The following C7 variants were observed in gnomAD, a reference collection of about 807,000 sequenced individuals.
C7 encodes the protein complement C7.
In C7, 83 loss-of-function variants were observed where a neutral mutation model predicts 104.8. That is an observed-to-expected ratio of 0.79 (90% CI 0.66 to 0.95). The LOEUF is 0.95. C7 is among the 40% of genes least tolerant of loss of function. The pLI, the probability that C7 is intolerant of heterozygous loss-of-function variation, is 0.00. For missense variants in C7, 1,070 were observed against 1,011.2 expected, an observed-to-expected ratio of 1.06 and a Z score of -0.79; for synonymous variants, 415 against 360.6, an observed-to-expected ratio of 1.15 and a Z score of -1.71.
In C7 at chr5:40,931,138, A is replaced by G. The variant is rs1404513872; in HGVS notation, c.137A>G (p.Gln46Arg). 3.1e-6 allele frequency: 5 copies of G among 1,610,544 alleles called. No individual in the cohort carries two copies. The highest frequency in any genetic ancestry group is 4.2e-6 in the Non-Finnish European group (5 of 1,176,986). Residue 46 changes from glutamine to arginine, a missense_variant and splice_region_variant, in exon 3 of 18, where the codon CAG becomes CGG. Coordinates refer to ENST00000313164, the MANE Select transcript of C7 (RefSeq NM_000587.4). ...WSECNGCTKT[Q>R]TRRRSVAVYG... ...GAATGCAATGGCTGTACCAAGACTCAGGTAGGACCATGCAAAACTTTGTAT... is the reference window on the plus strand; with the variant it reads ...GAATGCAATGGCTGTACCAAGACTCGGGTAGGACCATGCAAAACTTTGTAT...
In C7 at chr5:40,972,530, ATT is replaced by A. The variant is rs1298814535; in HGVS notation, c.2012_2013del (p.Phe671SerfsTer7). 4 of 1,613,492 alleles carry A rather than the reference ATT, an allele frequency of 2.5e-6. No homozygotes were observed. Among genetic ancestry groups the A allele is most frequent in the Non-Finnish European group, 3.4e-6 (4 of 1,179,640 alleles). ...GCATGTCCTTAGAAGGTCCTTCAGC[ATT>A]TCTCTGTGGCTCCAGCCTTAAGTGG... is the stretch of plus-strand genomic sequence containing the variant. ...GGMSLEGPSA[F>X]LCGSSLKWSP... On this transcript the variant is annotated frameshift_variant, in exon 15 of 18. Transcript: ENST00000313164. LOFTEE classifies it high-confidence loss of function.
At chr5:40,937,423 G>T in intron 5 of C7, 129 bp from the exon 6 acceptor site, 3 of 818,550 alleles carry the variant, frequency 3.7e-6, no homozygotes, top group Non-Finnish European at 3.7e-6. Flanking sequence ...CTCTCTCAAA[G>T]AAGTGTTTAA....
rs774987776 is a variant in C7, at chr5:40,981,554, G to T, written c.2513G>T (p.Cys838Phe). 2.5e-6 allele frequency: 4 copies of T among 1,610,830 alleles called. No individual in the cohort carries two copies. In the East Asian group the frequency reaches 6.7e-5, roughly 27 times the overall value. Residue 838 changes from cysteine to phenylalanine, a missense_variant, in exon 18 of 18, where the codon TGT becomes TTT. By Grantham distance (205) the Cys-to-Phe change is radical. Transcript: ENST00000313164. ...QSISVTSIRP[C>F]AAETQ The stretch of plus-strand genomic sequence containing the variant: ...ATCTCTGTCACCAGCATAAGGCCTT[G>T]TGCTGCGGAAACCCAGTAGGCTCCT...
chr5:40,947,451 A>G (rs1376610485), intron 7 of C7, 151 bp from the exon 8 acceptor site: 2 of 796,030 alleles, frequency 2.5e-6, no homozygotes, highest in Non-Finnish European at 4.1e-6. Flanking sequence ...AAGTGGGCCC[A>G]TAAGAGTGCT....
Position 40,983,493 on chromosome 5 carries a change from G to A in C7, c.*1920G>A, listed in dbSNP as rs1418730351. Among the ~76,000 whole-genome samples, 1 of 152,126 alleles carries A rather than the reference G, an allele frequency of 6.6e-6. No homozygotes were observed. Among genetic ancestry groups the A allele is most frequent in the Non-Finnish European group, 1.5e-5 (1 of 68,024 alleles). ...GCAGAGTTATTGAAGGAGAAGTCAAGGAGAGGAGAAGGAGAGGAGCAGTGA... is the reference window on the plus strand; with the variant it reads ...GCAGAGTTATTGAAGGAGAAGTCAAAGAGAGGAGAAGGAGAGGAGCAGTGA... On this transcript the variant is annotated 3_prime_UTR_variant, in exon 18 of 18. Transcript: ENST00000313164.
Position 40,981,728 on chromosome 5 carries a change from T to C in C7, c.*155T>C. 1 of 580,924 alleles carries C rather than the reference T, an allele frequency of 1.7e-6. No individual in the cohort carries two copies. The highest frequency in any genetic ancestry group is 2.9e-6 in the Non-Finnish European group (1 of 341,286). The allele number at this position is 580,924 out of a possible 1,614,324, so 36.0% of individuals were successfully genotyped here. ...AGCCATCTGTATAAACACAATCCTT[T>C]GTTCTCCCAAATCTGAATCGAATTA... On this transcript the variant is annotated 3_prime_UTR_variant, in exon 18 of 18. Coordinates refer to ENST00000313164, the MANE Select transcript of C7 (RefSeq NM_000587.4).
At chr5:40,952,926 A>G (rs1259191808) in intron 9 of C7, among the ~76,000 whole-genome samples, 4 of 152,058 alleles carry the variant, frequency 2.6e-5, no homozygotes, top group African/African-American at 9.7e-5. Context: ...TAAGGCAGTG[A>G]TTCTCAAACT....
intron 1 of C7, among the ~76,000 whole-genome samples, chr5:40,924,338 G>T (rs1242444280): frequency 2.0e-5 from 3 of 152,190 alleles, no homozygotes; most frequent in South Asian, 2.1e-4. Context: ...TGAGGGGTGA[G>T]CTCCACTCCA....
intron 16 of C7, among the ~76,000 whole-genome samples, chr5:40,979,002 C>A (rs1740879705): frequency 1.3e-5 from 2 of 149,542 alleles, no homozygotes; most frequent in Non-Finnish European, 1.5e-5. Flanking sequence ...GCTTCAGCCT[C>A]CTGAGTAGCT....
intron 9 of C7, among the ~76,000 whole-genome samples, chr5:40,953,877 TAAATAAA>T (rs1345915348): frequency 6.6e-6 from 1 of 152,298 alleles, no homozygotes; most frequent in African/African-American, 2.4e-5. Context: ...TTATTGTGTA[TAAATAAA>T]AAATAAAAAA....
At chr5:40,963,122 A>G (rs1740457356) in intron 13 of C7, among the ~76,000 whole-genome samples, 1 of 152,208 alleles carries the variant, frequency 6.6e-6, no homozygotes, top group African/African-American at 2.4e-5. Context: ...GCATGTTAGC[A>G]AACCATGAGG....
intron 13 of C7, among the ~76,000 whole-genome samples, chr5:40,963,998 T>G (rs978937861): frequency 1.3e-5 from 2 of 148,524 alleles, no homozygotes; most frequent in African/African-American, 4.9e-5. Flanking sequence ...ATGGCAGTAT[T>G]GTCAATGAAC....
intron 6 of C7, among the ~76,000 whole-genome samples, chr5:40,939,109 T>C (rs976522585): frequency 2.0e-5 from 3 of 152,140 alleles, no homozygotes; most frequent in Admixed American, 2.0e-4. Flanking sequence ...CCCAAACTAC[T>C]GAAATGTTCA....
intron 12 of C7, 147 bp from the exon 13 acceptor site, chr5:40,961,938 T>C (rs893680733): frequency 7.3e-6 from 3 of 410,532 alleles, no homozygotes; most frequent in African/African-American, 6.1e-5. Context: ...TAAGCAGATA[T>C]TTGGTTCTAA....
intron 6 of C7, among the ~76,000 whole-genome samples, chr5:40,939,332 T>C (rs140700737): frequency 1.3e-5 from 2 of 152,304 alleles, no homozygotes; most frequent in African/African-American, 2.4e-5. Context: ...CTATTTTAGG[T>C]GATTAGCATA....
At chr5:40,927,322 G>A (rs1257618763) in intron 1 of C7, among the ~76,000 whole-genome samples, 1 of 151,980 alleles carries the variant, frequency 6.6e-6, no homozygotes, top group African/African-American at 2.4e-5. Flanking sequence ...GGGAAAAACT[G>A]TATTTTTCTA....
intron 6 of C7, among the ~76,000 whole-genome samples, chr5:40,944,849 A>G (rs1040363079): frequency 3.3e-5 from 5 of 152,218 alleles, no homozygotes; most frequent in Non-Finnish European, 5.9e-5. Context: ...TAGATGAAAA[A>G]TCAAGAACGA....
chr5:40,963,436 A>G (rs1463756203), intron 13 of C7, among the ~76,000 whole-genome samples: 2 of 152,144 alleles, frequency 1.3e-5, no homozygotes, highest in African/African-American at 4.8e-5. Flanking sequence ...TAGGATCATG[A>G]GTCGAAACAG....
chr5:40,980,117 A>G (rs1740911065), intron 17 of C7: 2 of 392,530 alleles, frequency 5.1e-6, no homozygotes, highest in Admixed American at 4.4e-5. Flanking sequence ...AGATTCCCAC[A>G]TTCCTGATGT....
Sources: gnomAD v4.1 joint callset for allele counts (sites outside exome capture counted in the v4.1 genomes callset) on GRCh38, gnomAD v4.1.1 for gene constraint, MANE v1.5 for transcripts, NCBI Gene and HGNC (gene_info 2026-07-23, HGNC 2026-07-21) for gene names.